The following PTPRN2 variants were observed in gnomAD, a reference collection of about 807,000 sequenced individuals.
PTPRN2 encodes receptor-type tyrosine-protein phosphatase N2.
A neutral mutation model predicts 118.8 loss-of-function variants in PTPRN2; 74 were observed. The observed-to-expected ratio is 0.62, with a 90% CI of 0.52 to 0.76. PTPRN2 has a LOEUF of 0.76. Among genes scored for constraint, PTPRN2 ranks in the 30% least tolerant of loss-of-function variants. PTPRN2 has a pLI of 0.00. For synonymous variants in PTPRN2, 641 were observed against 608.0 expected (o/e 1.05, Z -0.80); for missense variants, 1,481 against 1,394.4 (o/e 1.06, Z -0.99).
At chr7:158,333,622 C>T (rs1309662392) in intron 2 of PTPRN2, among the ~76,000 whole-genome samples, 2 of 151,320 alleles carry the variant, frequency 1.3e-5, no homozygotes, top group African/African-American at 2.4e-5. Flanking sequence ...TAAGAGGTGA[C>T]ACCTACAGAC....
chr7:158,450,201 G>A (rs189277157), intron 2 of PTPRN2, among the ~76,000 whole-genome samples: 2 of 152,338 alleles, frequency 1.3e-5, no homozygotes, highest in East Asian at 3.9e-4. Flanking sequence ...CTATCCCATC[G>A]TGGGAGCCCC....
At chr7:157,937,691 T>C (rs976482382) in intron 11 of PTPRN2, among the ~76,000 whole-genome samples, 2 of 152,234 alleles carry the variant, frequency 1.3e-5, no homozygotes, top group East Asian at 1.9e-4. Context: ...TCTCTGAGTT[T>C]TGGCTTGAGC....
chr7:158,560,832 G>A (rs1309101527), intron 1 of PTPRN2, among the ~76,000 whole-genome samples: 7 of 152,284 alleles, frequency 4.6e-5, no homozygotes, highest in African/African-American at 1.7e-4. Flanking sequence ...GAAGGCAGCT[G>A]TCCTAACCTG....
intron 11 of PTPRN2, among the ~76,000 whole-genome samples, chr7:157,913,113 T>C (rs944001043): frequency 6.6e-6 from 1 of 152,240 alleles, no homozygotes; most frequent in African/African-American, 2.4e-5. Flanking sequence ...TTTTATATTT[T>C]TCCCCATAAA....
At chr7:157,634,562 G>A (rs61267248) in intron 14 of PTPRN2, among the ~76,000 whole-genome samples, 1,608 of 152,306 alleles carry the variant, frequency 0.011, 25 homozygotes, top group African/African-American at 0.037. Context: ...GCATCCGGGT[G>A]CCTGTGTGCA....
chr7:158,324,149 G>T (rs182605314), intron 2 of PTPRN2, among the ~76,000 whole-genome samples: 1 of 152,016 alleles, frequency 6.6e-6, no homozygotes, highest in Non-Finnish European at 1.5e-5. Context: ...ACACGCGTAC[G>T]CTCACACACA....
chr7:158,398,598 T>A (rs185962081), intron 2 of PTPRN2, among the ~76,000 whole-genome samples: 10 of 152,374 alleles, frequency 6.6e-5, no homozygotes, highest in African/African-American at 9.6e-5. Context: ...GCACATAGTT[T>A]GAAAAATCTA....
chr7:157,578,516 T>C (rs1800178327), intron 17 of PTPRN2, among the ~76,000 whole-genome samples: 1 of 152,226 alleles, frequency 6.6e-6, no homozygotes, highest in Non-Finnish European at 1.5e-5. Flanking sequence ...AGCATCATTT[T>C]GCTCACCTAG....
In PTPRN2 at chr7:158,167,259, G is replaced by T. The variant is rs1252845285; in HGVS notation, c.582C>A (p.Thr194=). 6.2e-7 allele frequency: 1 copy of T among 1,609,210 alleles called. No homozygotes were observed. The highest frequency in any genetic ancestry group is 8.5e-7 in the Non-Finnish European group (1 of 1,177,672). ...GDDRFSESIL[T]YVAHTSALTY... ...TCAGCGCAGACGTGTGGGCCACATA[G>T]GTCAGGATGCTCTCGGAGAAGCGGT... is the stretch of plus-strand genomic sequence containing the variant. Residue 194 remains threonine, a synonymous_variant, in exon 6 of 23, where the codon ACC becomes ACA. Coordinates refer to ENST00000389418, the MANE Select transcript of PTPRN2 (RefSeq NM_002847.5).
At position 157,812,242 on chromosome 7, in the gene PTPRN2, C is replaced by T. The variant is rs77723416; in HGVS notation, c.1788+86431G>A. 3.5e-3 allele frequency among the ~76,000 whole-genome samples: 529 copies of T among 152,308 alleles called. 5 individuals are homozygous for T. The highest frequency in any genetic ancestry group is 0.017 in the Middle Eastern group (5 of 294). On this transcript the variant is annotated intron_variant, in intron 12 of 22. Coordinates refer to ENST00000389418, the MANE Select transcript of PTPRN2 (RefSeq NM_002847.5). The stretch of plus-strand genomic sequence containing the variant: ...TAGATCCGAGGGGCCGTCCTCCTCC[C>T]GTGCTGGGACCCTTGGGGCTTGCCG...
At chr7:157,838,271 C>T (rs1488262599) in intron 12 of PTPRN2, among the ~76,000 whole-genome samples, 2 of 144,082 alleles carry the variant, frequency 1.4e-5, no homozygotes, top group African/African-American at 2.6e-5. Flanking sequence ...TCCTCTCCGC[C>T]GTACCTATTC....
chr7:157,546,380 C>T lies in PTPRN2; in HGVS notation c.2976+2566G>A, dbSNP rs548262727. Among the ~76,000 whole-genome samples, 12 of 152,340 alleles carry T rather than the reference C, an allele frequency of 7.9e-5. No individual in the cohort carries two copies. The East Asian group carries it at 9.6e-4, about 12-fold the overall frequency. ...TTTGCCGCACCCATGAATCCATCAC[C>T]GAGGAATTAAGCTCCGCATGCATTA... On this transcript the variant is annotated intron_variant, in intron 22 of 22. Coordinates refer to ENST00000389418, the MANE Select transcript of PTPRN2 (RefSeq NM_002847.5).
intron 9 of PTPRN2, among the ~76,000 whole-genome samples, chr7:158,126,972 CG>C (rs1327373542): frequency 2.4e-4 from 37 of 152,332 alleles, no homozygotes; most frequent in African/African-American, 8.7e-4. Flanking sequence ...CAGCCCCTAA[CG>C]GTGGCCCGGT....
At chr7:158,109,572 GTGAA>G (rs1428312225) in intron 10 of PTPRN2, among the ~76,000 whole-genome samples, 2 of 151,572 alleles carry the variant, frequency 1.3e-5, no homozygotes, top group East Asian at 2.0e-4. Context: ...TGAAGACTCA[GTGAA>G]TGAATGACAT....
At chr7:158,572,397 T>C (rs955200199) in intron 1 of PTPRN2, among the ~76,000 whole-genome samples, 29 of 152,214 alleles carry the variant, frequency 1.9e-4, no homozygotes, top group African/African-American at 6.5e-4. Context: ...CTTTGCCCCA[T>C]CTAGCGGCTG....
At chr7:158,257,614 T>C in intron 3 of PTPRN2, among the ~76,000 whole-genome samples, 1 of 152,226 alleles carries the variant, frequency 6.6e-6, no homozygotes, top group East Asian at 1.9e-4. Context: ...CAGCGAGAAA[T>C]GTCTGAGCCC....
intron 12 of PTPRN2, among the ~76,000 whole-genome samples, chr7:157,820,477 T>C (rs1368611442): frequency 7.1e-6 from 1 of 140,128 alleles, no homozygotes; most frequent in African/African-American, 2.8e-5. Flanking sequence ...ACACCCACAC[T>C]CATACACGCA....
chr7:158,078,671 G>T (rs1812566136), intron 11 of PTPRN2, among the ~76,000 whole-genome samples: 1 of 152,096 alleles, frequency 6.6e-6, no homozygotes, highest in Non-Finnish European at 1.5e-5. Context: ...AGGCTGATGG[G>T]CCAGTCACTG....
chr7:158,256,116 C>T (rs939870553), intron 3 of PTPRN2, among the ~76,000 whole-genome samples: 5 of 152,136 alleles, frequency 3.3e-5, no homozygotes, highest in East Asian at 3.9e-4. Context: ...GCAGGACCTT[C>T]GGGGGAGGCC....
Sources: gnomAD v4.1 joint callset for allele counts (sites outside exome capture counted in the v4.1 genomes callset) on GRCh38, gnomAD v4.1.1 for gene constraint, MANE v1.5 for transcripts, NCBI Gene and HGNC (gene_info 2026-07-23, HGNC 2026-07-21) for gene names.